Variants in RPS26 observed in about 807,000 individuals in gnomAD.
The protein encoded by RPS26 is ribosomal protein S26.
RPS26 carries 1 observed loss-of-function variant against 14.7 expected under a neutral mutation model. That is an observed-to-expected ratio of 0.07 (90% CI 0.02 to 0.32). The LOEUF (loss-of-function observed/expected upper bound fraction) is 0.32, where lower values mean the gene tolerates loss of function less well. Among genes scored for constraint, RPS26 ranks in the 10% least tolerant of loss-of-function variants. The pLI, the probability that RPS26 is intolerant of heterozygous loss-of-function variation, is 1.00. For missense variants in RPS26, 63 were observed against 157.7 expected (o/e 0.40, Z 3.22); for synonymous variants, 59 against 53.1 (o/e 1.11, Z -0.48).
At position 56,042,560 on chromosome 12, in the gene RPS26, G is replaced by A; in HGVS notation, c.139G>A (p.Ala47Thr). The A allele has an allele frequency of 6.3e-7, 1 of 1,599,738 alleles. No individual in the cohort carries two copies. Among genetic ancestry groups the A allele is most frequent in the Non-Finnish European group, 8.5e-7 (1 of 1,179,670 alleles). ...ATTCGTCATTCGAAACATAGTGGAG[G>A]CCGCAGCAGTCAGGGACATTTCTGA... Reference protein sequence around the residue: ...KKFVIRNIVEAAAVRDISEAS... With the variant: ...KKFVIRNIVETAAVRDISEAS... The change falls in exon 2 of 4, where the codon GCC becomes ACC. Residue 47 changes from alanine to threonine, a missense_variant. Transcript: ENST00000646449.
intron 2 of RPS26, 195 bp from the exon 3 acceptor site, chr12:56,043,168 G>A (rs1895912929): frequency 1.8e-6 from 1 of 568,638 alleles, no homozygotes; most frequent in Non-Finnish European, 3.2e-6. Flanking sequence ...TAATTCACTT[G>A]TAAAACTGAG....
Position 56,042,867 on chromosome 12 carries a change from T to G in RPS26, c.181+265T>G, listed in dbSNP as rs1275738990. On this transcript the variant is annotated intron_variant, in intron 2 of 3. Transcript: ENST00000646449. ...TATGAGATTGCAAAAACTAGAAACT[T>G]GGTAAATTTGACAATTCTTGTGCTA... is the stretch of plus-strand genomic sequence containing the variant. 11 of 554,518 alleles carry G rather than the reference T, an allele frequency of 2.0e-5. No individual in the cohort carries two copies. In the East Asian group the frequency reaches 3.5e-4, roughly 18 times the overall value. 34.3% of individuals were successfully genotyped at this position (554,518 alleles called of 1,614,324 possible).
chr12:56,042,340 G>T, intron 1 of RPS26, 85 bp from the exon 2 acceptor site: 1 of 1,544,416 alleles, frequency 6.5e-7, no homozygotes. Context: ...CTTCCTGGAG[G>T]CTGCCGGTGC....
intron 1 of RPS26, 98 bp downstream of exon 1, chr12:56,042,267 G>A (rs1895897220): frequency 3.2e-6 from 5 of 1,551,218 alleles, no homozygotes; most frequent in Non-Finnish European, 4.4e-6. Context: ...TGGACCGAGT[G>A]TACATTTCAT....
intron 2 of RPS26, 160 bp downstream of exon 2, chr12:56,042,762 T>C (rs1030899625): frequency 5.6e-6 from 4 of 713,644 alleles, no homozygotes; most frequent in Admixed American, 4.1e-5. Context: ...TTTGCCGTTT[T>C]GATTCTTTTC....
chr12:56,044,402 G>A lies in RPS26; in HGVS notation c.*248G>A, dbSNP rs1895936969. On this transcript the variant is annotated 3_prime_UTR_variant, in exon 4 of 4. Coordinates refer to ENST00000646449, the MANE Select transcript of RPS26 (RefSeq NM_001029.5). Reference sequence around the variant, plus strand: ...TTTGTCGCCCAAGCTGAATTGCAGTGGCGTGATCTCAGCTCACTGCAACCT... The same window carrying A: ...TTTGTCGCCCAAGCTGAATTGCAGTAGCGTGATCTCAGCTCACTGCAACCT... The A allele has an allele frequency of 6.8e-6, 3 of 442,234 alleles. No individual in the cohort carries two copies. The highest frequency in any genetic ancestry group is 5.1e-5 in the South Asian group (2 of 39,238). 27.4% of individuals were successfully genotyped at this position (442,234 alleles called of 1,614,324 possible).
intron 2 of RPS26, chr12:56,043,139 A>G (rs536057200): frequency 4.5e-4 from 232 of 520,752 alleles, no homozygotes; most frequent in African/African-American, 4.1e-3. Flanking sequence ...CGGTGTCAAG[A>G]TGAACTCACG....
At chr12:56,043,241 C>A in intron 2 of RPS26, 122 bp from the exon 3 acceptor site, 1 of 966,934 alleles carries the variant, frequency 1.0e-6, no homozygotes, top group Non-Finnish European at 1.6e-6. Flanking sequence ...TTTATGTGCC[C>A]GACAGGCATT....
At position 56,041,957 on chromosome 12, in the gene RPS26, C is replaced by T; in HGVS notation, c.-210C>T. ...ATCCGGCTAAATAGTCCCATGTGCA[C>T]TTTGTTCCATGGATAAATAAACACT... On this transcript the variant is annotated 5_prime_UTR_variant, in exon 1 of 4. Coordinates refer to ENST00000646449, the MANE Select transcript of RPS26 (RefSeq NM_001029.5). 1 of 660,082 alleles carries T rather than the reference C, an allele frequency of 1.5e-6. No homozygotes were observed. Among genetic ancestry groups the T allele is most frequent in the Admixed American group, 2.2e-5 (1 of 45,548 alleles). 40.9% of individuals were successfully genotyped at this position (660,082 alleles called of 1,614,324 possible).
rs759864837 is a variant in RPS26 at position 56,042,189 on chromosome 12, G to C, written c.3+20G>C. The C allele has an allele frequency of 4.0e-5, 64 of 1,614,082 alleles. No homozygotes were observed. Among genetic ancestry groups the C allele is most frequent in the Non-Finnish European group, 5.1e-5 (60 of 1,180,002 alleles). ...AAGATGGTGAGTCTTCTTGCGTGGT[G>C]AGGGTGGGGGTTCGGGTGCAGACTC... On this transcript the variant is annotated intron_variant, in intron 1 of 3. Coordinates refer to ENST00000646449, the MANE Select transcript of RPS26 (RefSeq NM_001029.5).
At chr12:56,043,314 A>C in intron 2 of RPS26, 49 bp from the exon 3 acceptor site, 1 of 1,585,536 alleles carries the variant, frequency 6.3e-7, no homozygotes, top group Non-Finnish European at 8.6e-7. Context: ...GTAACAAAAA[A>C]GCAAGGTAGG....
At chr12:56,042,987 A>G in intron 2 of RPS26, 1 of 406,618 alleles carries the variant, frequency 2.5e-6, no homozygotes, top group Non-Finnish European at 4.6e-6. Context: ...TGCAAGGATG[A>G]TGTTTGGAGC....
At chr12:56,042,270 C>T in intron 1 of RPS26, 101 bp downstream of exon 1, 2 of 1,542,796 alleles carry the variant, frequency 1.3e-6, no homozygotes, top group Middle Eastern at 1.7e-4. Flanking sequence ...ACCGAGTGTA[C>T]ATTTCATTTG....
chr12:56,042,675 G>GGA, intron 2 of RPS26, 73 bp downstream of exon 2: 1 of 1,320,742 alleles, frequency 7.6e-7, no homozygotes, highest in South Asian at 1.2e-5. Flanking sequence ...TCGCCCTTTT[G>GGA]GAGGCTCTGT....
intron 3 of RPS26, 61 bp from the exon 4 acceptor site, chr12:56,044,058 G>T: frequency 7.0e-7 from 1 of 1,418,502 alleles, no homozygotes; most frequent in Non-Finnish European, 1.0e-6. Flanking sequence ...CAAGTTCTTT[G>T]GGGGAAGGGA....
chr12:56,043,777 G>A (rs1350207205), intron 3 of RPS26, among the ~76,000 whole-genome samples: 1 of 151,490 alleles, frequency 6.6e-6, no homozygotes, highest in African/African-American at 2.4e-5. Context: ...TACCACTTGC[G>A]CTCCAGCCAG....
Position 56,044,351 on chromosome 12 carries a change from T to C in RPS26, c.*197T>C, listed in dbSNP as rs1302685975. ...CATGTAATTTAATTTTTTTCTTTTT[T>C]TTTTTTTTTTTTTTGAGACGGAGTC... On this transcript the variant is annotated 3_prime_UTR_variant, in exon 4 of 4. Coordinates refer to ENST00000646449, the MANE Select transcript of RPS26 (RefSeq NM_001029.5). 2.5e-6 allele frequency: 1 copy of C among 396,006 alleles called. No homozygotes were observed. The highest frequency in any genetic ancestry group is 4.3e-6 in the Non-Finnish European group (1 of 231,388). The allele number at this position is 396,006 out of a possible 1,614,324, so 24.5% of individuals were successfully genotyped here. A position where few individuals can be genotyped will look rare whatever the true frequency, so the allele number is the denominator to read the frequency against.
Position 56,042,073 on chromosome 12 carries a change from C to T in RPS26, c.-94C>T. 3.0e-6 allele frequency: 4 copies of T among 1,323,148 alleles called. No homozygotes were observed. The South Asian group carries it at 3.5e-5, about 12-fold the overall frequency. The allele number at this position is 1,323,148 out of a possible 1,614,324, so 82.0% of individuals were successfully genotyped here. On this transcript the variant is annotated 5_prime_UTR_variant, in exon 1 of 4. Transcript: ENST00000646449. Reference sequence around the variant, plus strand: ...GAGTTGCCGTTCTTGAAGCCCGTCTCCTAAGGATTCTCCCGGTGTCCGCGT... The same window carrying T: ...GAGTTGCCGTTCTTGAAGCCCGTCTTCTAAGGATTCTCCCGGTGTCCGCGT...
intron 2 of RPS26, 51 bp from the exon 3 acceptor site, chr12:56,043,308 CAAAA>C: frequency 6.4e-7 from 1 of 1,565,930 alleles, no homozygotes; most frequent in South Asian, 1.1e-5. Flanking sequence ...ATTCATGTAA[CAAAA>C]AAGCAAGGTA....
Sources: gnomAD v4.1 joint callset for allele counts (sites outside exome capture counted in the v4.1 genomes callset) on GRCh38, gnomAD v4.1.1 for gene constraint, MANE v1.5 for transcripts, NCBI Gene and HGNC (gene_info 2026-07-23, HGNC 2026-07-21) for gene names.